HENMT1: variants seen among roughly 807,000 people sequenced by gnomAD.
HENMT1 encodes small RNA 2'-O-methyltransferase.
HENMT1 carries 27 observed loss-of-function variants against 31.1 expected under a neutral mutation model. The observed-to-expected ratio is 0.87, with a 90% CI of 0.64 to 1.20. The LOEUF is 1.20. HENMT1 is among the 50% of genes most tolerant of loss of function. The pLI is 0.00. For missense variants in HENMT1, 438 were observed against 469.6 expected, an observed-to-expected ratio of 0.93 and a Z score of 0.62; for synonymous variants, 167 against 172.2, an observed-to-expected ratio of 0.97 and a Z score of 0.24.
At chr1:108,655,543 A>G in intron 4 of HENMT1, 43 bp downstream of exon 4, 1 of 1,104,864 alleles carries the variant, frequency 9.1e-7, no homozygotes, top group Non-Finnish European at 1.3e-6. Flanking sequence ...TAATGCCATT[A>G]GTTTTAGATT....
chr1:108,661,132 G>T (rs1658461820), upstream of HENMT1: 1 of 396,102 alleles, frequency 2.5e-6, no homozygotes, highest in Non-Finnish European at 3.4e-6. Context: ...TACCGCCGCG[G>T]CTACGCCGGC....
chr1:108,651,909 T>C (rs1263448006), intron 5 of HENMT1, among the ~76,000 whole-genome samples: 1 of 152,206 alleles, frequency 6.6e-6, no homozygotes, highest in Non-Finnish European at 1.5e-5. Flanking sequence ...TCTCTGAGGT[T>C]ATACCTCCCT....
intron 4 of HENMT1, 46 bp downstream of exon 4, chr1:108,655,540 A>C: frequency 9.1e-7 from 1 of 1,104,288 alleles, no homozygotes; most frequent in South Asian, 1.4e-5. Flanking sequence ...CAATAATGCC[A>C]TTAGTTTTAG....
At position 108,649,891 on chromosome 1, in the gene HENMT1, C is replaced by A. The variant is rs116003041; in HGVS notation, c.756+320G>T. The A allele has an allele frequency of 2.6e-3, 1,048 of 399,602 alleles. 10 individuals are homozygous for A. The highest frequency in any genetic ancestry group is 0.02 in the African/African-American group (963 of 48,650). 24.8% of individuals were successfully genotyped at this position (399,602 alleles called of 1,614,324 possible). ...CTGCACTCGAACTCCTGGGTTCAAG[C>A]AATCTTTCTACCTTGGCCTCCCAAC... On this transcript the variant is annotated intron_variant, in intron 7 of 7. Transcript: ENST00000651461.
rs1374113190 is a variant in HENMT1, at chr1:108,655,461, A to C, written c.263+125T>G. On this transcript the variant is annotated intron_variant, in intron 4 of 7. Transcript: ENST00000651461. The stretch of plus-strand genomic sequence containing the variant: ...GTGTTATGGCAAAGCCTGATTATTC[A>C]GTGAGTTGAAGATCCCTAATGGCCC... The C allele has an allele frequency of 5.7e-6, 3 of 522,040 alleles. No individual in the cohort carries two copies. The African/African-American group carries it at 6.0e-5, about 10-fold the overall frequency. 32.3% of individuals were successfully genotyped at this position (522,040 alleles called of 1,614,324 possible). A position where few individuals can be genotyped will look rare whatever the true frequency, so the allele number is the denominator to read the frequency against.
In HENMT1 at chr1:108,659,881, C is replaced by A; in HGVS notation, c.4G>T (p.Glu2Ter). M[E>*]ENNLQCSSVV... ...GGCATTACCTGTAGATTATTTTCTT[C>A]CATTTTGTTTCGAAGTTTTGTTGAA... Residue 2 changes from glutamate to a stop codon, truncating the protein, a stop_gained, in exon 2 of 8, where the codon GAA becomes TAA. Coordinates refer to ENST00000651461, the MANE Select transcript of HENMT1 (RefSeq NM_001102592.2). LOFTEE classifies it high-confidence loss of function. 6.3e-7 allele frequency: 1 copy of A among 1,593,306 alleles called. No individual in the cohort carries two copies. Among genetic ancestry groups the A allele is most frequent in the East Asian group, 2.3e-5 (1 of 43,794 alleles).
intron 2 of HENMT1, among the ~76,000 whole-genome samples, chr1:108,658,046 TACAC>T (rs58348990): frequency 0.092 from 12,923 of 140,348 alleles, 736 homozygotes; most frequent in Middle Eastern, 0.19. Flanking sequence ...CACATATATA[TACAC>T]ACACACACAC....
chr1:108,658,044 TATAC>T (rs1249183687), intron 2 of HENMT1, among the ~76,000 whole-genome samples: 24 of 117,076 alleles, frequency 2.0e-4, no homozygotes, highest in African/African-American at 8.0e-4. Context: ...CACACATATA[TATAC>T]ACACACACAC....
rs547268762 is a variant in HENMT1, at chr1:108,660,409, C to CT, written c.-78-448dup. 5.7e-3 allele frequency among the ~76,000 whole-genome samples: 875 copies of CT among 152,244 alleles called. 12 individuals carry two copies. The highest frequency in any genetic ancestry group is 0.02 in the African/African-American group (841 of 41,548). The stretch of plus-strand genomic sequence containing the variant: ...CTTAGGAGTTCTGCCCATTTCATTG[C>CT]TAAGACCCTCAACTTCAAATTTTTT... On this transcript the variant is annotated intron_variant, in intron 1 of 7. Coordinates refer to ENST00000651461, the MANE Select transcript of HENMT1 (RefSeq NM_001102592.2).
intron 4 of HENMT1, 114 bp from the exon 5 acceptor site, chr1:108,654,964 G>T: frequency 9.5e-7 from 1 of 1,047,992 alleles, no homozygotes; most frequent in Non-Finnish European, 1.4e-6. Flanking sequence ...ATATAAGTCT[G>T]ACACAGCCTG....
chr1:108,652,847 G>A (rs558023684), intron 5 of HENMT1, among the ~76,000 whole-genome samples: 1 of 151,854 alleles, frequency 6.6e-6, no homozygotes, highest in East Asian at 2.0e-4. Flanking sequence ...GGGAGGCTGA[G>A]GCAAAAGAAT....
chr1:108,659,060 G>A (rs927630841), intron 2 of HENMT1, among the ~76,000 whole-genome samples: 3 of 152,128 alleles, frequency 2.0e-5, no homozygotes, highest in Admixed American at 2.0e-4. Flanking sequence ...AGAGATTTTA[G>A]ATTCTTGTTT....
At chr1:108,653,796 A>G (rs183861336) in intron 5 of HENMT1, among the ~76,000 whole-genome samples, 18 of 152,244 alleles carry the variant, frequency 1.2e-4, no homozygotes, top group Admixed American at 8.5e-4. Context: ...ATTCTTGTAT[A>G]TTCTAGATAT....
chr1:108,649,649 G>A (rs1257344912), intron 7 of HENMT1, among the ~76,000 whole-genome samples: 1 of 152,148 alleles, frequency 6.6e-6, no homozygotes, highest in Non-Finnish European at 1.5e-5. Context: ...GGGGGAGGAA[G>A]TGTTTCTTCT....
chr1:108,649,031 TATAAAC>T, intron 7 of HENMT1, 40 bp from the exon 8 acceptor site: 1 of 1,469,912 alleles, frequency 6.8e-7, no homozygotes, highest in Non-Finnish European at 9.1e-7. Flanking sequence ...TGTATAATAA[TATAAAC>T]ATACATAAAT....
At chr1:108,649,439 G>GAA in intron 7 of HENMT1, 5 of 412,088 alleles carry the variant, frequency 1.2e-5, no homozygotes, top group Admixed American at 5.7e-5. Flanking sequence ...TGTCTCTACG[G>GAA]AAAAAAAAAC....
intron 3 of HENMT1, among the ~76,000 whole-genome samples, 163 bp from the exon 4 acceptor site, chr1:108,655,861 A>ACACACG (rs745475464): frequency 7.3e-6 from 1 of 136,184 alleles, no homozygotes; most frequent in Admixed American, 6.9e-5. Context: ...ACACACACAC[A>ACACACG]CACACACACA....
At position 108,648,307 on chromosome 1, in the gene HENMT1, C is replaced by T; in HGVS notation, c.*259G>A. 2.1e-6 allele frequency: 1 copy of T among 473,598 alleles called. No homozygotes were observed. Among genetic ancestry groups the T allele is most frequent in the Non-Finnish European group, 3.7e-6 (1 of 266,866 alleles). The allele number at this position is 473,598 out of a possible 1,614,324, so 29.3% of individuals were successfully genotyped here. A position where few individuals can be genotyped will look rare whatever the true frequency, so the allele number is the denominator to read the frequency against. The stretch of plus-strand genomic sequence containing the variant: ...GGTAAGTTCAAAATTAACATATTAC[C>T]ACATCCAACTTCTTTATTCTTGAGA... On this transcript the variant is annotated 3_prime_UTR_variant, in exon 8 of 8. Coordinates refer to ENST00000651461, the MANE Select transcript of HENMT1 (RefSeq NM_001102592.2).
rs1344072454 is a variant in HENMT1 at position 108,658,074 on chromosome 1, CACACACACACACACACACACATATAT to C, written c.22-521_22-496del. On this transcript the variant is annotated intron_variant, in intron 2 of 7. Coordinates refer to ENST00000651461, the MANE Select transcript of HENMT1 (RefSeq NM_001102592.2). Reference sequence around the variant, plus strand: ...ACACACACACACATATATATGTACACACACACACACACACACACACATATATACACACACACACACACACATATATA... The same window carrying C: ...ACACACACACACATATATATGTACACACACACACACACACACACATATATA... 1.1e-3 allele frequency among the ~76,000 whole-genome samples: 12 copies of C among 10,738 alleles called. No homozygotes were observed. In the East Asian group the frequency reaches 0.049, roughly 43 times the overall value. The allele number at this position is 10,738 out of a possible 152,430, so 7.0% of individuals were successfully genotyped here.
Sources: gnomAD v4.1 joint callset for allele counts (sites outside exome capture counted in the v4.1 genomes callset) on GRCh38, gnomAD v4.1.1 for gene constraint, MANE v1.5 for transcripts, NCBI Gene and HGNC (gene_info 2026-07-23, HGNC 2026-07-21) for gene names.